Variants in SSH2 observed in about 807,000 individuals in gnomAD.
SSH2 encodes the protein protein phosphatase Slingshot homolog 2.
Under a neutral mutation model 135.2 loss-of-function variants are expected in SSH2, and 37 were observed. The observed-to-expected ratio is 0.27, with a 90% confidence interval of 0.21 to 0.36. The LOEUF is 0.36. Ranked by LOEUF, SSH2 falls within the 10% of genes least tolerant of loss-of-function variation. The pLI is 1.00. For synonymous variants in SSH2, 628 were observed against 646.2 expected (o/e 0.97, Z 0.43); for missense variants, 1,408 against 1,765.3 (o/e 0.80, Z 3.63).
Position 29,626,453 on chromosome 17 carries a change from C to G in SSH2, c.*4388G>C, listed in dbSNP as rs933327154. On this transcript the variant is annotated 3_prime_UTR_variant, in exon 16 of 16. Transcript: ENST00000540801. ...ATTAGCTCTGCATGTGTACACAGGA[C>G]GCTGCCACCAGCATTGCTTTGAGGA... 6.5e-6 allele frequency: 1 copy of G among 152,742 alleles called. No homozygotes were observed. Among genetic ancestry groups the G allele is most frequent in the Non-Finnish European group, 1.5e-5 (1 of 68,044 alleles). The allele number at this position is 152,742 out of a possible 1,614,324, so 9.5% of individuals were successfully genotyped here.
chr17:29,692,265 G>C (rs944862219), intron 5 of SSH2, among the ~76,000 whole-genome samples: 1 of 151,546 alleles, frequency 6.6e-6, no homozygotes, highest in African/African-American at 2.4e-5. Context: ...CAAAACAAAA[G>C]CCTTTGCTTT....
At chr17:29,893,910 CTT>C (rs905348393) in intron 1 of SSH2, among the ~76,000 whole-genome samples, 3 of 152,072 alleles carry the variant, frequency 2.0e-5, no homozygotes, top group African/African-American at 7.2e-5. Flanking sequence ...TAACATTGCT[CTT>C]GATGTTCTTT....
chr17:29,659,240 T>C (rs1357152554), intron 11 of SSH2, among the ~76,000 whole-genome samples: 1 of 152,198 alleles, frequency 6.6e-6, no homozygotes, highest in Non-Finnish European at 1.5e-5. Context: ...GCAGGTTTGC[T>C]AGGTCAAAGG....
At chr17:29,755,667 CTT>C (rs540804204) in intron 3 of SSH2, among the ~76,000 whole-genome samples, 1 of 143,888 alleles carries the variant, frequency 6.9e-6, no homozygotes, top group Non-Finnish European at 1.5e-5. Context: ...TTTTCTTTTT[CTT>C]TTTTTTTTTT....
At chr17:29,861,782 C>A (rs2065770098) in intron 1 of SSH2, among the ~76,000 whole-genome samples, 1 of 152,178 alleles carries the variant, frequency 6.6e-6, no homozygotes, top group Admixed American at 6.5e-5. Context: ...TGGTCTTGAA[C>A]TCCTGACCTC....
At chr17:29,692,786 T>C (rs1025547043) in intron 5 of SSH2, among the ~76,000 whole-genome samples, 3 of 152,186 alleles carry the variant, frequency 2.0e-5, no homozygotes, top group African/African-American at 7.2e-5. Flanking sequence ...GTACTCCAAG[T>C]GTGATTCCTG....
chr17:29,745,976 A>G (rs2040746710), intron 3 of SSH2, among the ~76,000 whole-genome samples: 1 of 152,128 alleles, frequency 6.6e-6, no homozygotes, highest in Non-Finnish European at 1.5e-5. Context: ...TGAATATGTG[A>G]CCCAATAAAT....
chr17:29,808,523 C>T (rs2042387416), intron 2 of SSH2, among the ~76,000 whole-genome samples: 1 of 152,208 alleles, frequency 6.6e-6, no homozygotes. Flanking sequence ...ATGTGGTAGG[C>T]ATATCTGGAA....
intron 1 of SSH2, among the ~76,000 whole-genome samples, chr17:29,863,173 A>C (rs1162487660): frequency 6.6e-6 from 1 of 152,120 alleles, no homozygotes; most frequent in Non-Finnish European, 1.5e-5. Context: ...CCTTAACAAC[A>C]ACAACAAAAA....
intron 3 of SSH2, among the ~76,000 whole-genome samples, chr17:29,749,541 G>C (rs1459659615): frequency 1.3e-5 from 2 of 152,062 alleles, no homozygotes; most frequent in Non-Finnish European, 2.9e-5. Context: ...TGGTATAGAA[G>C]ATAAAAAGTG....
chr17:29,845,850 G>A (rs1017240263), intron 2 of SSH2, among the ~76,000 whole-genome samples: 3 of 151,872 alleles, frequency 2.0e-5, no homozygotes, highest in Admixed American at 1.3e-4. Flanking sequence ...ATGACCCACC[G>A]TGCCTGGCCC....
intron 1 of SSH2, among the ~76,000 whole-genome samples, chr17:29,886,312 C>G (rs2066236655): frequency 6.6e-6 from 1 of 152,176 alleles, no homozygotes; most frequent in East Asian, 1.9e-4. Flanking sequence ...GTGACTCTTG[C>G]TATGTTTTAG....
chr17:29,724,481 T>C (rs1169755821), intron 3 of SSH2, among the ~76,000 whole-genome samples: 1 of 136,808 alleles, frequency 7.3e-6, no homozygotes, highest in Non-Finnish European at 1.5e-5. Context: ...TGAGCCAAGA[T>C]TGTGCCATTG....
At chr17:29,741,930 T>C (rs1160296588) in intron 3 of SSH2, among the ~76,000 whole-genome samples, 2 of 141,774 alleles carry the variant, frequency 1.4e-5, no homozygotes, top group African/African-American at 2.7e-5. Flanking sequence ...TCTCATTTTT[T>C]TTTCTTTTTT....
At position 29,631,561 on chromosome 17, in the gene SSH2, T is replaced by C. The variant is rs1206896398; in HGVS notation, c.3633A>G (p.Ala1211=). 6.2e-7 allele frequency: 1 copy of C among 1,614,050 alleles called. No individual in the cohort carries two copies. The highest frequency in any genetic ancestry group is 8.5e-7 in the Non-Finnish European group (1 of 1,180,044). ...VPYKDSQLSS[A]DLSLISKLGD... is the part of the protein sequence containing the mutation. ...CAAGTTTGCTAATTAAACTTAGGTC[T>C]GCGCTACTTAGCTGGGAGTCCTTAT... Residue 1211 remains alanine (A), a synonymous_variant, in exon 16 of 16, where the codon GCA becomes GCG. Coordinates refer to ENST00000540801, the MANE Select transcript of SSH2 (RefSeq NM_001282129.2).
chr17:29,896,835 T>C (rs1488316324), intron 1 of SSH2, among the ~76,000 whole-genome samples: 1 of 151,848 alleles, frequency 6.6e-6, no homozygotes, highest in African/African-American at 2.4e-5. Flanking sequence ...ATTTTAGTAA[T>C]GAGTAAGTCT....
rs559230147 is a variant in SSH2 at position 29,656,106 on chromosome 17, A to T, written c.1033-499T>A. On this transcript the variant is annotated intron_variant, in intron 11 of 15. Transcript: ENST00000540801. Reference sequence around the variant, plus strand: ...CCTGGCACCTGGCAGGTGCTCAATAAACATTTGCTGAATTTTTACAGATAA... The same window carrying T: ...CCTGGCACCTGGCAGGTGCTCAATATACATTTGCTGAATTTTTACAGATAA... Among the ~76,000 whole-genome samples the T allele has an allele frequency of 1.6e-4, 24 of 152,268 alleles. No homozygotes were observed. In the South Asian group the frequency reaches 4.8e-3, roughly 30 times the overall value.
intron 1 of SSH2, among the ~76,000 whole-genome samples, chr17:29,899,607 C>T (rs1235937503): frequency 6.6e-6 from 1 of 152,128 alleles, no homozygotes; most frequent in African/African-American, 2.4e-5. Context: ...GAACCACAAA[C>T]CACTGCTTAA....
chr17:29,716,352 C>T (rs2151157833), intron 3 of SSH2: 1 of 470,166 alleles, frequency 2.1e-6, no homozygotes, highest in East Asian at 4.6e-5. Context: ...AGGAAGCTGT[C>T]TTGGCTCTTA....
Sources: allele counts gnomAD v4.1 joint callset (sites outside exome capture counted in the v4.1 genomes callset), GRCh38; gene constraint gnomAD v4.1.1; transcripts MANE v1.5; gene names NCBI Gene and HGNC (gene_info 2026-07-23, HGNC 2026-07-21).